CPT1A: variants seen among roughly 807,000 people sequenced by gnomAD.
CPT1A encodes the protein carnitine O-palmitoyltransferase 1, liver isoform.
In CPT1A, 64 loss-of-function variants were observed where a neutral mutation model predicts 100.8. That is an observed-to-expected ratio of 0.63 (90% CI 0.52 to 0.78). The LOEUF (loss-of-function observed/expected upper bound fraction) is 0.78. Among genes scored for constraint, CPT1A ranks in the 30% least tolerant of loss-of-function variants. CPT1A has a pLI of 0.00. For synonymous variants in CPT1A, 363 were observed against 396.0 expected, an observed-to-expected ratio of 0.92 and a Z score of 0.99; for missense variants, 802 against 1,034.1, an observed-to-expected ratio of 0.78 and a Z score of 3.08.
At chr11:68,797,079 A>G in intron 6 of CPT1A, 146 bp from the exon 7 acceptor site, 1 of 736,070 alleles carries the variant, frequency 1.4e-6, no homozygotes, top group Non-Finnish European at 2.4e-6. Flanking sequence ...AGAACAGGGA[A>G]CGCAGTCCTA....
At chr11:68,803,957 A>G in intron 5 of CPT1A, 43 bp downstream of exon 5, 1 of 1,473,870 alleles carries the variant, frequency 6.8e-7, no homozygotes, top group Non-Finnish European at 9.5e-7. Context: ...GCCTTAATCC[A>G]CAGATGGCTG....
chr11:68,794,884 T>C lies in CPT1A; in HGVS notation c.799A>G (p.Ile267Val). Residue 267 changes from isoleucine to valine, a missense_variant, in exon 8 of 19, where the codon ATT (isoleucine) becomes GTT (valine). By Grantham distance (29) the Ile-to-Val change is conservative. Transcript: ENST00000265641. ...GCGTTGCCGGCTCTTGCTGCCTGAATGTGAGTTGGAAGGATATACAGCAGA... is the reference window on the plus strand; with the variant it reads ...GCGTTGCCGGCTCTTGCTGCCTGAACGTGAGTTGGAAGGATATACAGCAGA... ...MDLLYILPTH[I>V]QAARAGNAIH... The C allele has an allele frequency of 6.2e-7, 1 of 1,614,180 alleles. No individual in the cohort carries two copies. The highest frequency in any genetic ancestry group is 8.5e-7 in the Non-Finnish European group (1 of 1,180,034).
At chr11:68,766,516 C>A (rs1164888970) in intron 14 of CPT1A, among the ~76,000 whole-genome samples, 3 of 152,056 alleles carry the variant, frequency 2.0e-5, no homozygotes, top group Non-Finnish European at 4.4e-5. Context: ...GACAGAGTCT[C>A]ACTCTATCGC....
chr11:68,754,912 A>C lies in CPT1A; in HGVS notation c.*2732T>G. The C allele has an allele frequency of 1.3e-6, 1 of 773,920 alleles. No homozygotes were observed. Among genetic ancestry groups the C allele is most frequent in the Non-Finnish European group, 2.4e-6 (1 of 413,020 alleles). The allele number at this position is 773,920 out of a possible 1,614,324, so 47.9% of individuals were successfully genotyped here. A position where few individuals can be genotyped will look rare whatever the true frequency, so the allele number is the denominator to read the frequency against. On this transcript the variant is annotated 3_prime_UTR_variant, in exon 19 of 19. Transcript: ENST00000265641. ...AGTAGACTGGGGTTAATGTTTTATT[A>C]ATGATAACCTACATTCACACTGCAT...
rs779537613 is a variant in CPT1A at position 68,807,452 on chromosome 11, G to A, written c.453+15C>T. 5 of 1,612,594 alleles carry A rather than the reference G, an allele frequency of 3.1e-6. No homozygotes were observed. In the East Asian group the frequency reaches 1.1e-4, roughly 36 times the overall value. ...ACTGTCCACCCCCTCCACAGCCAGA[G>A]GGACACGCAATTACCATCCAGATCT... is the stretch of plus-strand genomic sequence containing the variant. On this transcript the variant is annotated intron_variant, in intron 4 of 18. Transcript: ENST00000265641.
chr11:68,805,409 C>T (rs1299285100), intron 4 of CPT1A, among the ~76,000 whole-genome samples: 3 of 151,844 alleles, frequency 2.0e-5, no homozygotes, highest in African/African-American at 7.3e-5. Flanking sequence ...CGAGATTGCA[C>T]CACTGCACTC....
In CPT1A at chr11:68,760,207, C is replaced by T; in HGVS notation, c.2142+18G>A. 6.3e-7 allele frequency: 1 copy of T among 1,575,480 alleles called. No individual in the cohort carries two copies. The highest frequency in any genetic ancestry group is 8.7e-7 in the Non-Finnish European group (1 of 1,153,658). On this transcript the variant is annotated intron_variant, in intron 17 of 18. Coordinates refer to ENST00000265641, the MANE Select transcript of CPT1A (RefSeq NM_001876.4). ...TCACCACGCCCCACTGCGCCTCGCC[C>T]AGCCCCGCCGCACTCACCGGTCCAA...
chr11:68,761,769 G>C, intron 15 of CPT1A, 82 bp from the exon 16 acceptor site: 1 of 1,515,588 alleles, frequency 6.6e-7, no homozygotes, highest in South Asian at 1.1e-5. Context: ...ACCGCACCCG[G>C]CTAATATTTT....
At chr11:68,759,508 T>G (rs1284719750) in intron 18 of CPT1A, 61 bp downstream of exon 18, 2 of 1,107,916 alleles carry the variant, frequency 1.8e-6, no homozygotes, top group African/African-American at 3.1e-5. Flanking sequence ...ATGTGTTTCC[T>G]TAAAAAGAAT....
chr11:68,770,917 C>T (rs967101913), intron 14 of CPT1A, among the ~76,000 whole-genome samples: 3 of 152,222 alleles, frequency 2.0e-5, no homozygotes, highest in East Asian at 1.9e-4. Flanking sequence ...CTGCTGCGTA[C>T]GAGCTGGAGC....
At chr11:68,804,133 T>C (rs759737665) in intron 4 of CPT1A, 32 bp from the exon 5 acceptor site, 7 of 1,539,714 alleles carry the variant, frequency 4.5e-6, no homozygotes, top group East Asian at 2.2e-5. Flanking sequence ...TTCAGACTAC[T>C]GCCATACTAC....
At chr11:68,776,806 C>T (rs898485542) in intron 12 of CPT1A, among the ~76,000 whole-genome samples, 7 of 152,010 alleles carry the variant, frequency 4.6e-5, no homozygotes, top group African/African-American at 1.4e-4. Context: ...ACAAGCACCT[C>T]GTGAATATAC....
intron 16 of CPT1A, among the ~76,000 whole-genome samples, chr11:68,760,815 C>G (rs995734554): frequency 6.6e-6 from 1 of 152,126 alleles, no homozygotes; most frequent in South Asian, 2.1e-4. Flanking sequence ...GAGTTCGAGA[C>G]CAGCCTGGGC....
chr11:68,764,370 GC>G (rs1020108794), intron 14 of CPT1A, among the ~76,000 whole-genome samples: 4 of 152,196 alleles, frequency 2.6e-5, no homozygotes, highest in African/African-American at 9.7e-5. Flanking sequence ...CCCCAGGGTG[GC>G]AGACCCACCC....
chr11:68,778,947 G>A (rs1310495588), intron 12 of CPT1A, among the ~76,000 whole-genome samples: 2 of 151,824 alleles, frequency 1.3e-5, no homozygotes, highest in East Asian at 4.0e-4. Flanking sequence ...CACCACGCCC[G>A]GCTAATTTTT....
intron 1 of CPT1A, among the ~76,000 whole-genome samples, chr11:68,837,429 C>A (rs545587094): frequency 6.6e-6 from 1 of 152,302 alleles, no homozygotes; most frequent in African/African-American, 2.4e-5. Context: ...CCACAGGACC[C>A]CCTGAGTGAG....
intron 4 of CPT1A, among the ~76,000 whole-genome samples, chr11:68,806,591 A>C (rs7119078): frequency 6.6e-6 from 1 of 150,738 alleles, no homozygotes; most frequent in East Asian, 2.0e-4. Context: ...TGGTGCCACT[A>C]TACTCCAGCC....
chr11:68,801,611 C>G (rs1251361260), intron 5 of CPT1A, among the ~76,000 whole-genome samples: 1 of 143,650 alleles, frequency 7.0e-6, no homozygotes, highest in African/African-American at 2.7e-5. Context: ...GCCTGGGTGA[C>G]AGAGCAAGAC....
At chr11:68,779,443 C>T (rs1198091616) in intron 12 of CPT1A, among the ~76,000 whole-genome samples, 5 of 146,618 alleles carry the variant, frequency 3.4e-5, no homozygotes, top group African/African-American at 1.3e-4. Flanking sequence ...CATTTAATTT[C>T]TCATGCCAAA....
Sources: allele counts gnomAD v4.1 joint callset (sites outside exome capture counted in the v4.1 genomes callset), GRCh38; gene constraint gnomAD v4.1.1; transcripts MANE v1.5; gene names NCBI Gene and HGNC (gene_info 2026-07-23, HGNC 2026-07-21).